The following MAN1C1 variants were observed in gnomAD, a reference collection of about 807,000 sequenced individuals.
MAN1C1 encodes the protein mannosyl-oligosaccharide 1,2-alpha-mannosidase IC.
In MAN1C1, 49 loss-of-function variants were observed where a neutral mutation model predicts 71.5. The ratio of observed to expected loss-of-function variants is 0.69; its 90% confidence interval spans 0.54 to 0.87. MAN1C1 has a LOEUF of 0.87. MAN1C1 is among the 40% of genes least tolerant of loss of function. The pLI is 0.00. For synonymous variants in MAN1C1, 352 were observed against 343.7 expected, an observed-to-expected ratio of 1.02 and a Z score of -0.27; for missense variants, 743 against 835.0, an observed-to-expected ratio of 0.89 and a Z score of 1.36.
intron 2 of MAN1C1, among the ~76,000 whole-genome samples, chr1:25,732,006 G>A (rs2046915530): frequency 6.6e-6 from 1 of 152,154 alleles, no homozygotes; most frequent in Non-Finnish European, 1.5e-5. Flanking sequence ...CAGAGAAAAA[G>A]ACCAACTCAG....
chr1:25,670,222 A>G (rs2045975802), intron 1 of MAN1C1, among the ~76,000 whole-genome samples: 1 of 152,232 alleles, frequency 6.6e-6, no homozygotes, highest in Non-Finnish European at 1.5e-5. Flanking sequence ...CTTTAGATGG[A>G]GATTATCAAG....
Position 25,770,811 on chromosome 1 carries a change from C to G in MAN1C1, c.1142-846C>G, listed in dbSNP as rs78229774. On this transcript the variant is annotated intron_variant, in intron 7 of 11. Transcript: ENST00000374332. ...CCCCCGCCCCGCCTTCAGTCCACCC[C>G]CATTTTCTTTCTTCTCTCTGTCTCT... 9.7e-4 allele frequency among the ~76,000 whole-genome samples: 147 copies of G among 152,134 alleles called. 2 individuals are homozygous for G. The East Asian group carries it at 0.027, about 28-fold the overall frequency.
chr1:25,700,206 A>C (rs1173948490), intron 2 of MAN1C1, among the ~76,000 whole-genome samples: 1 of 152,210 alleles, frequency 6.6e-6, no homozygotes, highest in East Asian at 1.9e-4. Context: ...AATTCTGGGA[A>C]TAGACCATGT....
At chr1:25,744,194 C>A (rs776739784) in intron 2 of MAN1C1, among the ~76,000 whole-genome samples, 5 of 152,146 alleles carry the variant, frequency 3.3e-5, no homozygotes, top group Admixed American at 6.5e-5. Flanking sequence ...GTGCTGGGCA[C>A]GATCTGCTTT....
At position 25,775,181 on chromosome 1, in the gene MAN1C1, G is replaced by C. The variant is rs1454666229; in HGVS notation, c.1258-2924G>C. 6.6e-6 allele frequency among the ~76,000 whole-genome samples: 1 copy of C among 152,174 alleles called. No homozygotes were observed. Among genetic ancestry groups the C allele is most frequent in the Non-Finnish European group, 1.5e-5 (1 of 68,026 alleles). ...ACTGGTGACTCGGACCCAGGTTTCT[G>C]AGCCCTGACACTCCTCCCCTGCACC... is the stretch of plus-strand genomic sequence containing the variant. On this transcript the variant is annotated intron_variant, in intron 8 of 11. Coordinates refer to ENST00000374332, the MANE Select transcript of MAN1C1 (RefSeq NM_020379.4). This position sits in a 1 kb window ranked among gnomAD's most constrained non-coding sequence, Gnocchi z 5.1.
chr1:25,724,174 G>A (rs905144996), intron 2 of MAN1C1, among the ~76,000 whole-genome samples: 3 of 152,026 alleles, frequency 2.0e-5, no homozygotes, highest in Admixed American at 6.5e-5. Context: ...GACTACAGGT[G>A]CACGCCACCA....
At chr1:25,635,148 T>C (rs551190573) in intron 1 of MAN1C1, among the ~76,000 whole-genome samples, 7 of 152,258 alleles carry the variant, frequency 4.6e-5, no homozygotes, top group Non-Finnish European at 1.0e-4. Flanking sequence ...TACAGATGTG[T>C]GCTACCATAT....
chr1:25,768,754 CCT>C (rs1217849718), intron 7 of MAN1C1, among the ~76,000 whole-genome samples: 6 of 143,144 alleles, frequency 4.2e-5, no homozygotes, highest in African/African-American at 1.0e-4. Flanking sequence ...CCCACAGTCC[CCT>C]CACATACATC....
At chr1:25,732,933 G>A (rs2046928859) in intron 2 of MAN1C1, among the ~76,000 whole-genome samples, 1 of 152,142 alleles carries the variant, frequency 6.6e-6, no homozygotes, top group Non-Finnish European at 1.5e-5. Context: ...TCCACAGGCC[G>A]TGTTTGCCAT....
intron 2 of MAN1C1, among the ~76,000 whole-genome samples, chr1:25,740,597 C>T (rs149942577): frequency 0.02 from 3,066 of 152,162 alleles, 110 homozygotes; most frequent in African/African-American, 0.07. Flanking sequence ...CCACCATGCC[C>T]GGCTAATTTT....
intron 6 of MAN1C1, among the ~76,000 whole-genome samples, chr1:25,763,141 G>T (rs2047382299): frequency 6.6e-6 from 1 of 152,178 alleles, no homozygotes; most frequent in South Asian, 2.1e-4. Flanking sequence ...GGTGGTGCAT[G>T]CCTGTAGTCT....
At chr1:25,712,838 C>T (rs2046631988) in intron 2 of MAN1C1, among the ~76,000 whole-genome samples, 1 of 152,106 alleles carries the variant, frequency 6.6e-6, no homozygotes, top group Non-Finnish European at 1.5e-5. Context: ...TTCCCACGGT[C>T]CCTGGGGCTG....
At chr1:25,770,748 C>T (rs2047539013) in intron 7 of MAN1C1, among the ~76,000 whole-genome samples, 1 of 150,820 alleles carries the variant, frequency 6.6e-6, no homozygotes, top group Non-Finnish European at 1.5e-5. Context: ...TGTCTGCCCC[C>T]TTCTTCTGCT....
At chr1:25,727,683 C>T (rs2046850995) in intron 2 of MAN1C1, among the ~76,000 whole-genome samples, 1 of 152,262 alleles carries the variant, frequency 6.6e-6, no homozygotes, top group Non-Finnish European at 1.5e-5. Flanking sequence ...CCCACCCTGT[C>T]CCCCTGTGGG....
At chr1:25,640,564 C>T (rs577837669) in intron 1 of MAN1C1, among the ~76,000 whole-genome samples, 12 of 152,272 alleles carry the variant, frequency 7.9e-5, no homozygotes, top group African/African-American at 2.9e-4. Context: ...TAGTTTCTTC[C>T]TTTCAGAACT....
chr1:25,673,720 C>T (rs965391514), intron 1 of MAN1C1, among the ~76,000 whole-genome samples: 2 of 152,170 alleles, frequency 1.3e-5, no homozygotes, highest in African/African-American at 4.8e-5. Flanking sequence ...GTGGTGAAAA[C>T]GGCATGTGCA....
At chr1:25,685,378 G>A (rs565657802) in intron 1 of MAN1C1, among the ~76,000 whole-genome samples, 5 of 152,296 alleles carry the variant, frequency 3.3e-5, no homozygotes, top group East Asian at 1.9e-4. Context: ...TGCTGCCACC[G>A]CGGGCCCCGG....
intron 2 of MAN1C1, 101 bp downstream of exon 2, chr1:25,686,637 G>T: frequency 2.1e-6 from 2 of 962,422 alleles, no homozygotes; most frequent in Non-Finnish European, 3.3e-6. Flanking sequence ...GAGCTGTGGG[G>T]GCTCCACAGT....
intron 8 of MAN1C1, among the ~76,000 whole-genome samples, chr1:25,773,105 T>C (rs1022204535): frequency 6.6e-6 from 1 of 152,254 alleles, no homozygotes; most frequent in Non-Finnish European, 1.5e-5. Context: ...AAATAGAATA[T>C]CAGTTATCTG....
Sources: gnomAD v4.1 joint callset for allele counts (sites outside exome capture counted in the v4.1 genomes callset) on GRCh38, gnomAD v4.1.1 for gene constraint, Gnocchi (gnomAD v3.1) non-coding constraint, MANE v1.5 for transcripts, NCBI Gene and HGNC (gene_info 2026-07-23, HGNC 2026-07-21) for gene names.